The following TBC1D2B variants were observed in gnomAD, a reference collection of about 807,000 sequenced individuals.
The protein encoded by TBC1D2B is TBC1 domain family, member 2B.
In TBC1D2B, 64 loss-of-function variants were observed where a neutral mutation model predicts 100.8. That is an observed-to-expected ratio of 0.64 (90% CI 0.52 to 0.78). TBC1D2B has a LOEUF of 0.78. TBC1D2B is among the 30% of genes least tolerant of loss of function. The probability of loss-of-function intolerance (pLI) is 0.00; values close to 1 mark genes in which losing one functional copy is unlikely to be tolerated. For synonymous variants in TBC1D2B, 480 were observed against 479.7 expected, an observed-to-expected ratio of 1.00 and a Z score of -0.01; for missense variants, 1,052 against 1,218.4, an observed-to-expected ratio of 0.86 and a Z score of 2.03.
chr15:78,059,925 G>A (rs2073508676), intron 1 of TBC1D2B, among the ~76,000 whole-genome samples: 1 of 152,216 alleles, frequency 6.6e-6, no homozygotes, highest in African/African-American at 2.4e-5. Context: ...CAACCCAGCA[G>A]CATCTACAGG....
At chr15:78,026,941 C>A (rs1034325930) in intron 4 of TBC1D2B, among the ~76,000 whole-genome samples, 1 of 151,194 alleles carries the variant, frequency 6.6e-6, no homozygotes, top group Non-Finnish European at 1.5e-5. Context: ...TACCGTCAGG[C>A]CAGGCACAGT....
At chr15:78,040,882 G>GAAAGAAAGAAAGAAAGAGAGAA (rs1471917186) in intron 3 of TBC1D2B, among the ~76,000 whole-genome samples, 1 of 130,070 alleles carries the variant, frequency 7.7e-6, no homozygotes, top group African/African-American at 3.0e-5. Flanking sequence ...AAGAAAGAAA[G>GAAAGAAAGAAAGAAAGAGAGAA]AGAGAGAGAG....
intron 3 of TBC1D2B, among the ~76,000 whole-genome samples, chr15:78,030,524 G>T (rs1398846970): frequency 1.3e-5 from 2 of 152,048 alleles, no homozygotes; most frequent in East Asian, 3.9e-4. Context: ...GGCCAGGCTG[G>T]GCTCGAACTC....
rs773507476 is a variant in TBC1D2B at position 78,025,338 on chromosome 15, G to A, written c.1007C>T (p.Pro336Leu). The part of the protein sequence containing the change: ...SGSGSVSIRK[P>L]ASEMQLQVQS... ...GACCTGCAGTTGCATTTCGGAGGCC[G>A]GCTTCCTGATGCTGACGCTGCCACT... is the stretch of plus-strand genomic sequence containing the variant. Residue 336 changes from proline (P) to leucine (L), a missense_variant, in exon 5 of 13, where the codon CCG (proline) becomes CTG (leucine). Coordinates refer to ENST00000300584, the MANE Select transcript of TBC1D2B (RefSeq NM_144572.2). The A allele has an allele frequency of 1.1e-5, 18 of 1,613,746 alleles. No homozygotes were observed. Among genetic ancestry groups the A allele is most frequent in the Admixed American group, 5.0e-5 (3 of 59,984 alleles).
intron 3 of TBC1D2B, among the ~76,000 whole-genome samples, chr15:78,035,477 G>A (rs756825731): frequency 1.3e-5 from 2 of 152,246 alleles, no homozygotes; most frequent in Non-Finnish European, 2.9e-5. Context: ...ACACTGCCAA[G>A]GCAGAGGTTT....
chr15:78,075,045 G>C (rs995717082), intron 1 of TBC1D2B, among the ~76,000 whole-genome samples: 4 of 152,118 alleles, frequency 2.6e-5, no homozygotes, highest in African/African-American at 9.7e-5. Flanking sequence ...ATTCCCACTA[G>C]ACCAAAGAGG....
At chr15:78,066,075 G>A (rs746554922) in intron 1 of TBC1D2B, 9 of 470,900 alleles carry the variant, frequency 1.9e-5, no homozygotes, top group East Asian at 1.4e-4. Context: ...CAGAAATACC[G>A]AAAGATGCCA....
At chr15:78,068,395 A>ACACACACC (rs1476608406) in intron 1 of TBC1D2B, among the ~76,000 whole-genome samples, 4 of 151,332 alleles carry the variant, frequency 2.6e-5, no homozygotes, top group Middle Eastern at 3.4e-3. Context: ...ACACACACAC[A>ACACACACC]CACACACACA....
chr15:78,064,383 ACAGG>A (rs2141834035), intron 1 of TBC1D2B, among the ~76,000 whole-genome samples: 1 of 152,366 alleles, frequency 6.6e-6, no homozygotes, highest in South Asian at 2.1e-4. Context: ...CGAAGGAGCC[ACAGG>A]AAGGAAAATA....
At chr15:78,047,798 G>C (rs1244449061) in intron 2 of TBC1D2B, among the ~76,000 whole-genome samples, 1 of 152,180 alleles carries the variant, frequency 6.6e-6, no homozygotes, top group Admixed American at 6.5e-5. Flanking sequence ...AGAGAGCACA[G>C]TGTCTGGAGT....
At chr15:78,076,445 CTCTT>C (rs1448468330) in intron 1 of TBC1D2B, among the ~76,000 whole-genome samples, 1 of 152,192 alleles carries the variant, frequency 6.6e-6, no homozygotes, top group Non-Finnish European at 1.5e-5. Context: ...TGCCATCTGA[CTCTT>C]TCTGTCTACA....
At position 78,025,324 on chromosome 15, in the gene TBC1D2B, G is replaced by C. The variant is rs1190788479; in HGVS notation, c.1021C>G (p.Gln341Glu). The C allele has an allele frequency of 6.8e-6, 11 of 1,613,778 alleles. No homozygotes were observed. The highest frequency in any genetic ancestry group is 8.5e-6 in the Non-Finnish European group (10 of 1,179,888). ...TCCTGCTGGCTCTGGACCTGCAGTTGCATTTCGGAGGCCGGCTTCCTGATG... is the reference window on the plus strand; with the variant it reads ...TCCTGCTGGCTCTGGACCTGCAGTTCCATTTCGGAGGCCGGCTTCCTGATG... ...VSIRKPASEMQLQVQSQQEEL... is the reference protein window; with the variant it reads ...VSIRKPASEMELQVQSQQEEL... Residue 341 changes from glutamine (Q) to glutamate (E), a missense_variant, in exon 5 of 13, where the codon CAA becomes GAA. Gln to Glu is a conservative substitution (Grantham distance 29). Transcript: ENST00000300584.
rs1156910707 is a variant in TBC1D2B, at chr15:78,024,337, T to C, written c.1289A>G (p.Lys430Arg). The stretch of plus-strand genomic sequence containing the variant: ...CTCGTTGAGCTCGCCCACTTTGCTC[T>C]TCAGCGTCCTTACTTCCTGCTGAAG... ...ESLQQEVRTL[K>R]SKVGELNEQL... The change falls in exon 6 of 13, where the codon AAG becomes AGG. Residue 430 changes from lysine (K) to arginine (R), a missense_variant. By Grantham distance (26) the Lys-to-Arg change is conservative. This residue lies in a region of TBC1D2B where 627 missense variants were observed against 646.1 expected (regional missense o/e 0.97). Transcript: ENST00000300584. 4 of 1,613,954 alleles carry C rather than the reference T, an allele frequency of 2.5e-6. No homozygotes were observed. Among genetic ancestry groups the C allele is most frequent in the Admixed American group, 1.7e-5 (1 of 60,010 alleles).
chr15:78,002,974 T>G, intron 11 of TBC1D2B: 4 of 203,166 alleles, frequency 2.0e-5, no homozygotes, highest in Non-Finnish European at 4.1e-5. Context: ...CCCCTGCTTA[T>G]TAGATCTCTG....
chr15:78,074,743 A>C (rs2073801622), intron 1 of TBC1D2B, among the ~76,000 whole-genome samples: 1 of 152,186 alleles, frequency 6.6e-6, no homozygotes, highest in African/African-American at 2.4e-5. Context: ...TGATCTTCCT[A>C]ACCTTTCTAT....
At chr15:78,068,388 C>CACAA (rs907942202) in intron 1 of TBC1D2B, among the ~76,000 whole-genome samples, 3 of 134,404 alleles carry the variant, frequency 2.2e-5, no homozygotes, top group African/African-American at 8.0e-5. Flanking sequence ...CACACCCACA[C>CACAA]ACACACACAC....
chr15:78,003,392 G>C lies in TBC1D2B; in HGVS notation c.2487C>G (p.Phe829Leu). The change falls in exon 11 of 13, where the codon TTC becomes TTG. Residue 829 changes from phenylalanine to leucine, a missense_variant. Transcript: ENST00000300584. The part of the protein sequence containing the change: ...QYKVDYTLIT[F>L]NWFLVVFVDS... The stretch of plus-strand genomic sequence containing the variant: ...CCACAAATACCACCAGAAACCAGTT[G>C]AAAGTGATGAGAGTGTAGTCGACTT... The C allele has an allele frequency of 6.2e-7, 1 of 1,613,930 alleles. No homozygotes were observed. The highest frequency in any genetic ancestry group is 8.5e-7 in the Non-Finnish European group (1 of 1,179,844).
At chr15:78,035,990 T>C (rs2072936260) in intron 3 of TBC1D2B, among the ~76,000 whole-genome samples, 1 of 152,152 alleles carries the variant, frequency 6.6e-6, no homozygotes, top group African/African-American at 2.4e-5. Flanking sequence ...GAGCACAGCT[T>C]TGGTGCAAGT....
intron 1 of TBC1D2B, among the ~76,000 whole-genome samples, chr15:78,071,323 T>A (rs1370507742): frequency 6.6e-6 from 1 of 152,206 alleles, no homozygotes; most frequent in African/African-American, 2.4e-5. Context: ...ATGTGAAAAT[T>A]ATATGAAATC....
Sources: gnomAD v4.1 joint callset for allele counts (sites outside exome capture counted in the v4.1 genomes callset) on GRCh38, gnomAD v4.1.1 for gene constraint, gnomAD v4.1.1 regional missense constraint, MANE v1.5 for transcripts, NCBI Gene and HGNC (gene_info 2026-07-23, HGNC 2026-07-21) for gene names.